The following SGCZ variants were observed in gnomAD, a reference collection of about 807,000 sequenced individuals.
SGCZ encodes sarcoglycan zeta.
SGCZ carries 40 observed loss-of-function variants against 41.3 expected under a neutral mutation model. The ratio of observed to expected loss-of-function variants is 0.97; its 90% CI spans 0.75 to 1.26. The LOEUF (loss-of-function observed/expected upper bound fraction) is 1.26. Ranked by LOEUF, SGCZ falls within the 50% of genes most tolerant of loss-of-function variation. The pLI, the probability that SGCZ is intolerant of heterozygous loss-of-function variation, is 0.00. For missense variants in SGCZ, 552 were observed against 369.8 expected (o/e 1.49, Z -4.04); for synonymous variants, 206 against 137.5 (o/e 1.50, Z -3.49).
chr8:14,984,923 CTTTT>C (rs1374788574), intron 1 of SGCZ, among the ~76,000 whole-genome samples: 1 of 71,112 alleles, frequency 1.4e-5, no homozygotes, highest in African/African-American at 3.7e-5. Flanking sequence ...ACCTTCATAA[CTTTT>C]TTTGTGGATT....
Position 14,841,370 on chromosome 8 carries a change from T to C in SGCZ, c.40-286444A>G, listed in dbSNP as rs1028291565. On this transcript the variant is annotated intron_variant, in intron 1 of 7. Transcript: ENST00000382080. ...GGCTACTATCTAGAATTTCATTTAT[T>C]GGATTTCACCTTGCATTCAGGGAAA... Among the ~76,000 whole-genome samples the C allele has an allele frequency of 2.7e-4, 41 of 152,056 alleles. 1 individual carries two copies. The highest frequency in any genetic ancestry group is 4.6e-4 in the Non-Finnish European group (31 of 67,982).
chr8:15,106,744 T>A (rs950003838), intron 1 of SGCZ, among the ~76,000 whole-genome samples: 1 of 152,034 alleles, frequency 6.6e-6, no homozygotes, highest in African/African-American at 2.4e-5. Context: ...CTTATCTGAT[T>A]ATGAATTTAA....
rs78305738 is a variant in SGCZ, at chr8:15,022,796, T to C, written c.39+214789A>G. ...AGCTATTTTACCAATTACAAAATAA[T>C]TTTATGTGTTATTTTACTTGACATT... On this transcript the variant is annotated intron_variant, in intron 1 of 7. Transcript: ENST00000382080. Among the ~76,000 whole-genome samples, 1,050 of 152,278 alleles carry C rather than the reference T, an allele frequency of 6.9e-3. 12 individuals carry two copies. Among genetic ancestry groups the C allele is most frequent in the African/African-American group, 0.024 (1,011 of 41,560 alleles).
chr8:14,882,196 A>T (rs1294283657), intron 1 of SGCZ, among the ~76,000 whole-genome samples: 1 of 152,200 alleles, frequency 6.6e-6, no homozygotes, highest in African/African-American at 2.4e-5. Context: ...ATCTGAGGCA[A>T]TCCCTAATGG....
At chr8:14,490,588 A>G (rs1013857575) in intron 2 of SGCZ, among the ~76,000 whole-genome samples, 2 of 152,202 alleles carry the variant, frequency 1.3e-5, no homozygotes, top group African/African-American at 4.8e-5. Context: ...TCACTTTCAT[A>G]TGATATTAAA....
chr8:14,865,474 C>G (rs1428373439), intron 1 of SGCZ, among the ~76,000 whole-genome samples: 1 of 152,058 alleles, frequency 6.6e-6, no homozygotes, highest in Non-Finnish European at 1.5e-5. Context: ...ATGAATCAAT[C>G]TCTGTATTAT....
At chr8:15,004,715 T>G (rs977656105) in intron 1 of SGCZ, among the ~76,000 whole-genome samples, 5 of 152,126 alleles carry the variant, frequency 3.3e-5, no homozygotes, top group African/African-American at 2.4e-5. Context: ...AACAAAAGAC[T>G]GAGGATTCCC....
chr8:14,336,657 C>A (rs527975462), intron 2 of SGCZ, among the ~76,000 whole-genome samples: 1 of 152,016 alleles, frequency 6.6e-6, no homozygotes, highest in Non-Finnish European at 1.5e-5. Flanking sequence ...TGATATCTCA[C>A]GGTGGTTTAC....
chr8:14,244,524 C>A (rs1417825902), intron 3 of SGCZ, among the ~76,000 whole-genome samples: 1 of 152,070 alleles, frequency 6.6e-6, no homozygotes, highest in Non-Finnish European at 1.5e-5. Context: ...AGTCAGGTAG[C>A]ATGATGCCTC....
rs146552670 is a variant in SGCZ, at chr8:14,838,420, A to G, written c.40-283494T>C. Among the ~76,000 whole-genome samples, 643 of 152,226 alleles carry G rather than the reference A, an allele frequency of 4.2e-3. 5 individuals carry two copies. The highest frequency in any genetic ancestry group is 0.017 in the South Asian group (83 of 4,822). On this transcript the variant is annotated intron_variant, in intron 1 of 7. Transcript: ENST00000382080. ...ATGCCATTGATATGCAAACTAACCA[A>G]TCTGGAGGCATGCCTCCTTTATCTG...
intron 1 of SGCZ, among the ~76,000 whole-genome samples, chr8:15,174,631 T>G (rs1031174374): frequency 6.6e-6 from 1 of 152,204 alleles, no homozygotes; most frequent in African/African-American, 2.4e-5. Flanking sequence ...TCCCAAGCGA[T>G]TGTACCATTT....
chr8:14,377,939 T>A (rs1435928468), intron 2 of SGCZ, among the ~76,000 whole-genome samples: 1 of 150,670 alleles, frequency 6.6e-6, no homozygotes, highest in Non-Finnish European at 1.5e-5. Context: ...TCGTTGGACA[T>A]TAGGCTTGGT....
intron 2 of SGCZ, among the ~76,000 whole-genome samples, chr8:14,518,064 G>T (rs1051463830): frequency 6.6e-6 from 1 of 151,538 alleles, no homozygotes; most frequent in Non-Finnish European, 1.5e-5. Flanking sequence ...AAGCAATAAG[G>T]TTATTGTTAA....
At chr8:14,186,819 C>T (rs1174237185) in intron 4 of SGCZ, among the ~76,000 whole-genome samples, 1 of 152,112 alleles carries the variant, frequency 6.6e-6, no homozygotes, top group African/African-American at 2.4e-5. Flanking sequence ...TCATCGGAGA[C>T]ATATTGCTAG....
intron 2 of SGCZ, among the ~76,000 whole-genome samples, chr8:14,356,431 G>A (rs1243155769): frequency 6.6e-6 from 1 of 151,908 alleles, no homozygotes; most frequent in Non-Finnish European, 1.5e-5. Context: ...AAATCATGAT[G>A]AACAAATGGA....
chr8:14,903,549 C>G (rs1248206443), intron 1 of SGCZ, among the ~76,000 whole-genome samples: 2 of 151,856 alleles, frequency 1.3e-5, no homozygotes, highest in Admixed American at 6.6e-5. Context: ...AGTAAAAACA[C>G]AGAAAGATGA....
chr8:14,753,624 A>T (rs977644585), intron 1 of SGCZ, among the ~76,000 whole-genome samples: 1 of 152,334 alleles, frequency 6.6e-6, no homozygotes, highest in Admixed American at 6.5e-5. Flanking sequence ...TCTGGACCAC[A>T]AAAATTACAG....
intron 1 of SGCZ, among the ~76,000 whole-genome samples, chr8:14,915,875 G>T (rs1208687743): frequency 6.6e-6 from 1 of 152,060 alleles, no homozygotes; most frequent in Non-Finnish European, 1.5e-5. Context: ...TTCTTTCTCA[G>T]TGACAGACAA....
intron 2 of SGCZ, among the ~76,000 whole-genome samples, chr8:14,523,225 T>C (rs1401630017): frequency 6.6e-6 from 1 of 152,010 alleles, no homozygotes; most frequent in Non-Finnish European, 1.5e-5. Flanking sequence ...GATGGGAAAA[T>C]CTATTAAACT....
Sources: allele counts gnomAD v4.1 joint callset (sites outside exome capture counted in the v4.1 genomes callset), GRCh38; gene constraint gnomAD v4.1.1; transcripts MANE v1.5; gene names NCBI Gene and HGNC (gene_info 2026-07-23, HGNC 2026-07-21).